Variants in HORMAD2 observed in about 807,000 individuals in gnomAD.
HORMAD2 encodes HORMA domain containing 2.
A neutral mutation model predicts 38.8 loss-of-function variants in HORMAD2; 45 were observed. The observed-to-expected ratio is 1.16, with a 90% confidence interval of 0.91 to 1.49. The LOEUF (loss-of-function observed/expected upper bound fraction) is 1.49. HORMAD2 is among the 40% of genes most tolerant of loss of function. HORMAD2 has a pLI of 0.00. For missense variants in HORMAD2, 338 were observed against 367.0 expected (o/e 0.92, Z 0.65); for synonymous variants, 126 against 122.8 (o/e 1.03, Z -0.17).
chr22:30,136,296 G>C (rs1041095285), intron 10 of HORMAD2, among the ~76,000 whole-genome samples: 4 of 152,154 alleles, frequency 2.6e-5, no homozygotes, highest in African/African-American at 9.6e-5. Context: ...GTTTTTAATA[G>C]CTTGAAATGT....
intron 8 of HORMAD2, among the ~76,000 whole-genome samples, chr22:30,120,036 A>G (rs1922323603): frequency 6.6e-6 from 1 of 152,204 alleles, no homozygotes. Context: ...CTCACATAAA[A>G]AGTTACCTTT....
At chr22:30,152,073 C>T (rs1260827441) in intron 10 of HORMAD2, among the ~76,000 whole-genome samples, 1 of 152,044 alleles carries the variant, frequency 6.6e-6, no homozygotes, top group Non-Finnish European at 1.5e-5. Context: ...CCAGTTTTTC[C>T]ATGCAGAAAG....
rs542942192 is a variant in HORMAD2 at position 30,170,673 on chromosome 22, T to C, written c.820-5390T>C. ...TCTGCCTAGAATAACCTCCCCCTGC[T>C]CCCACCACCATTTCCAGTCTGGTGA... On this transcript the variant is annotated intron_variant, in intron 10 of 10. Transcript: ENST00000336726. 7.2e-5 allele frequency among the ~76,000 whole-genome samples: 11 copies of C among 152,232 alleles called. 1 individual carries two copies. The South Asian group carries it at 2.3e-3, about 32-fold the overall frequency.
intron 10 of HORMAD2, among the ~76,000 whole-genome samples, chr22:30,166,789 C>G (rs1285402548): frequency 1.3e-5 from 2 of 152,096 alleles, no homozygotes; most frequent in East Asian, 3.8e-4. Context: ...ATTAAAGGAG[C>G]AAGAGAGGCT....
intron 8 of HORMAD2, among the ~76,000 whole-genome samples, chr22:30,121,430 T>C (rs1311325357): frequency 6.6e-6 from 1 of 152,200 alleles, no homozygotes. Flanking sequence ...TTTAAATGCT[T>C]TTAGGGAATT....
At chr22:30,087,420 A>G (rs1179845377) in intron 1 of HORMAD2, among the ~76,000 whole-genome samples, 2 of 152,226 alleles carry the variant, frequency 1.3e-5, no homozygotes, top group Non-Finnish European at 2.9e-5. Flanking sequence ...ATAAGAATCA[A>G]TAAGATAGAA....
intron 10 of HORMAD2, among the ~76,000 whole-genome samples, chr22:30,171,515 T>G (rs558848757): frequency 6.6e-6 from 1 of 152,272 alleles, no homozygotes; most frequent in South Asian, 2.1e-4. Context: ...TTAACTTCTC[T>G]CCATCTCCAC....
chr22:30,147,399 A>C (rs1021774395), intron 10 of HORMAD2, among the ~76,000 whole-genome samples: 13 of 151,640 alleles, frequency 8.6e-5, no homozygotes, highest in Non-Finnish European at 2.9e-5. Context: ...TAGTACTGGA[A>C]CAACTGGATA....
At chr22:30,167,216 T>A (rs759896669) in intron 10 of HORMAD2, among the ~76,000 whole-genome samples, 2 of 152,204 alleles carry the variant, frequency 1.3e-5, no homozygotes, top group Non-Finnish European at 2.9e-5. Flanking sequence ...TCCCATTGCC[T>A]CTGTCTTACA....
At chr22:30,178,678 G>A (rs777044198), downstream of HORMAD2, among the ~76,000 whole-genome samples, 96 of 152,310 alleles carry the variant, frequency 6.3e-4, 1 homozygote, top group Non-Finnish European at 1.2e-3. Flanking sequence ...ATGAAAACAG[G>A]CCCCATGCTG....
chr22:30,145,036 A>T (rs1473175599), intron 10 of HORMAD2, among the ~76,000 whole-genome samples: 9 of 152,190 alleles, frequency 5.9e-5, no homozygotes, highest in Non-Finnish European at 1.3e-4. Context: ...CTTGGTTCAA[A>T]TACCACCAAC....
intron 10 of HORMAD2, among the ~76,000 whole-genome samples, chr22:30,128,271 C>G (rs1439555890): frequency 1.3e-5 from 2 of 152,114 alleles, no homozygotes; most frequent in African/African-American, 4.8e-5. Context: ...TCCCACCATC[C>G]TATCAATACT....
At chr22:30,186,042 CT>C in the HORMAD2 span, among the ~76,000 whole-genome samples, 1 of 151,946 alleles carries the variant, frequency 6.6e-6, no homozygotes, top group South Asian at 2.1e-4. Flanking sequence ...AATCAAAAAT[CT>C]TTTTCTTTCT....
rs1923454350 is a variant in HORMAD2, at chr22:30,133,801, A to G, written c.819+11587A>G. Among the ~76,000 whole-genome samples the G allele has an allele frequency of 2.0e-5, 3 of 152,182 alleles. No homozygotes were observed. The South Asian group carries it at 6.2e-4, about 31-fold the overall frequency. The stretch of plus-strand genomic sequence containing the variant: ...GAGATAATTTAATATACATGGGAAT[A>G]TGTACATAGGATGTGCATATTATAT... On this transcript the variant is annotated intron_variant, in intron 10 of 10. Transcript: ENST00000336726.
intron 1 of HORMAD2, among the ~76,000 whole-genome samples, chr22:30,087,784 C>G (rs913116156): frequency 5.3e-5 from 8 of 151,952 alleles, no homozygotes; most frequent in African/African-American, 1.9e-4. Context: ...CACTCACTTA[C>G]TATTGCAAGA....
chr22:30,132,598 T>C (rs916398545), intron 10 of HORMAD2, among the ~76,000 whole-genome samples: 1 of 151,910 alleles, frequency 6.6e-6, no homozygotes, highest in African/African-American at 2.4e-5. Flanking sequence ...TTCTTCATCA[T>C]GAGACTCTAG....
chr22:30,154,854 G>T (rs1924967488), intron 10 of HORMAD2, among the ~76,000 whole-genome samples: 1 of 152,072 alleles, frequency 6.6e-6, no homozygotes, highest in Non-Finnish European at 1.5e-5. Flanking sequence ...GATCACCTGA[G>T]GCCAGGAGTT....
At chr22:30,192,392 G>A in the HORMAD2 span, among the ~76,000 whole-genome samples, 3 of 152,176 alleles carry the variant, frequency 2.0e-5, no homozygotes, top group East Asian at 3.8e-4. Flanking sequence ...GACAGGAAGA[G>A]CATCTCCTAC....
chr22:30,144,803 C>A (rs1924311218), intron 10 of HORMAD2, among the ~76,000 whole-genome samples: 1 of 151,760 alleles, frequency 6.6e-6, no homozygotes, highest in Non-Finnish European at 1.5e-5. Context: ...GTATCCTACA[C>A]AAAACTTCCA....
Sources: allele counts gnomAD v4.1 joint callset (sites outside exome capture counted in the v4.1 genomes callset), GRCh38; gene constraint gnomAD v4.1.1; transcripts MANE v1.5; gene names NCBI Gene and HGNC (gene_info 2026-07-23, HGNC 2026-07-21).